ARHGEF4: variants seen among roughly 807,000 people sequenced by gnomAD.
ARHGEF4 encodes the protein Rho guanine nucleotide exchange factor 4.
A neutral mutation model predicts 162.0 loss-of-function variants in ARHGEF4; 119 were observed. The observed-to-expected ratio is 0.73, with a 90% CI of 0.63 to 0.86. The LOEUF (loss-of-function observed/expected upper bound fraction) is 0.86, where lower values mean the gene tolerates loss of function less well. Among genes scored for constraint, ARHGEF4 ranks in the 40% least tolerant of loss-of-function variants. ARHGEF4 has a pLI of 0.00. For missense variants in ARHGEF4, 2,488 were observed against 2,456.0 expected (o/e 1.01, Z -0.28); for synonymous variants, 1,014 against 979.9 (o/e 1.03, Z -0.65).
intron 1 of ARHGEF4, among the ~76,000 whole-genome samples, chr2:130,899,909 A>C (rs1680389616): frequency 6.6e-6 from 1 of 152,014 alleles, no homozygotes; most frequent in Non-Finnish European, 1.5e-5. Context: ...AGGTGGCTTT[A>C]GCTTTTCATA....
intron 4 of ARHGEF4, among the ~76,000 whole-genome samples, chr2:131,015,054 C>G (rs1035882408): frequency 6.6e-6 from 1 of 152,148 alleles, no homozygotes; most frequent in African/African-American, 2.4e-5. Flanking sequence ...TGATACCTGC[C>G]TCACAGGTAG....
intron 1 of ARHGEF4, among the ~76,000 whole-genome samples, chr2:130,838,120 A>G (rs966637489): frequency 2.0e-5 from 3 of 152,190 alleles, no homozygotes; most frequent in African/African-American, 7.2e-5. Context: ...CCTTTCAGGA[A>G]CCTGTGCTGG....
At chr2:130,846,780 C>G (rs1276822412) in intron 1 of ARHGEF4, among the ~76,000 whole-genome samples, 2 of 152,274 alleles carry the variant, frequency 1.3e-5, no homozygotes, top group African/African-American at 4.8e-5. Flanking sequence ...GATGGGGCTT[C>G]TGTGGTCAGG....
rs140352937 is a variant in ARHGEF4, at chr2:131,036,427, A to G, written c.4126-2426A>G. 5.3e-5 allele frequency among the ~76,000 whole-genome samples: 8 copies of G among 152,326 alleles called. No individual in the cohort carries two copies. The East Asian group carries it at 1.4e-3, about 26-fold the overall frequency. On this transcript the variant is annotated intron_variant, in intron 5 of 13. Transcript: ENST00000409359. The stretch of plus-strand genomic sequence containing the variant: ...CCTCTGCCAGGGTGCGACAAAGGCA[A>G]TTAACACCTCCTCCCCTCCTCCCCA...
chr2:130,946,387 T>G, intron 3 of ARHGEF4, 122 bp from the exon 4 acceptor site: 4 of 1,224,218 alleles, frequency 3.3e-6, no homozygotes, highest in Non-Finnish European at 4.5e-6. Context: ...GCTGTGCATA[T>G]TTTGGTTGTG....
intron 2 of ARHGEF4, among the ~76,000 whole-genome samples, chr2:130,924,001 C>T (rs1682061637): frequency 6.6e-6 from 1 of 151,818 alleles, no homozygotes; most frequent in Non-Finnish European, 1.5e-5. Flanking sequence ...CTGCCTCAGC[C>T]TCCCGAGTAG....
At chr2:131,034,082 A>G (rs1690051665) in intron 5 of ARHGEF4, among the ~76,000 whole-genome samples, 1 of 152,166 alleles carries the variant, frequency 6.6e-6, no homozygotes, top group South Asian at 2.1e-4. Flanking sequence ...AGGGGTGGCC[A>G]AGAGCTGGCC....
chr2:131,028,155 G>C, intron 5 of ARHGEF4, 71 bp downstream of exon 5: 1 of 1,574,958 alleles, frequency 6.3e-7, no homozygotes, highest in Non-Finnish European at 8.6e-7. Flanking sequence ...GCACGCTAAT[G>C]CAGGCCAGAT....
At chr2:131,039,062 G>A in intron 6 of ARHGEF4, 30 bp downstream of exon 6, 1 of 1,576,384 alleles carries the variant, frequency 6.3e-7, no homozygotes, top group Non-Finnish European at 8.6e-7. Context: ...CTTCTCCCAA[G>A]TTGGGCCCAT....
intron 1 of ARHGEF4, among the ~76,000 whole-genome samples, chr2:130,887,367 A>G (rs4850260): frequency 0.31 from 46,613 of 151,852 alleles, 9,744 homozygotes; most frequent in African/African-American, 0.57. Context: ...AATTTTGATT[A>G]TACCAAATCT....
chr2:130,907,242 T>G (rs1437750042), intron 1 of ARHGEF4, among the ~76,000 whole-genome samples: 1 of 21,954 alleles, frequency 4.6e-5, no homozygotes, highest in Non-Finnish European at 1.6e-4. Flanking sequence ...AGACAGAGTC[T>G]CGCTCTGGAG....
At chr2:130,866,802 C>T (rs1682309664) in intron 1 of ARHGEF4, among the ~76,000 whole-genome samples, 1 of 152,144 alleles carries the variant, frequency 6.6e-6, no homozygotes, top group Non-Finnish European at 1.5e-5. Context: ...ATTTTTGCAT[C>T]TGTGTTTATG....
At position 130,916,183 on chromosome 2, in the gene ARHGEF4, C is replaced by G; in HGVS notation, c.2237C>G (p.Ser746Ter). Residue 746 changes from serine (S) to a stop codon, truncating the protein, a stop_gained, in exon 2 of 14, where the codon TCA (serine) becomes TGA (stop). Transcript: ENST00000409359. LOFTEE classifies it high-confidence loss of function. ...CGTGGGGAGAGCCGGAGCTCCGGGTCAGGGGAGCGTGGCCCGGAGGAGGCC... is the reference window on the plus strand; with the variant it reads ...CGTGGGGAGAGCCGGAGCTCCGGGTGAGGGGAGCGTGGCCCGGAGGAGGCC... ...RLRGESRSSGSGERGPEEAPE... is the reference protein window; with the variant it reads ...RLRGESRSSG The G allele has an allele frequency of 6.5e-7, 1 of 1,548,408 alleles. No homozygotes were observed. The highest frequency in any genetic ancestry group is 8.7e-7 in the Non-Finnish European group (1 of 1,146,766).
intron 1 of ARHGEF4, among the ~76,000 whole-genome samples, chr2:130,904,644 T>G (rs1030049254): frequency 6.6e-6 from 1 of 152,226 alleles, no homozygotes; most frequent in Non-Finnish European, 1.5e-5. Flanking sequence ...GCTGGTGGTT[T>G]GTTGGAATTC....
intron 4 of ARHGEF4, among the ~76,000 whole-genome samples, chr2:130,968,250 G>A (rs1685127667): frequency 6.6e-6 from 1 of 152,164 alleles, no homozygotes; most frequent in Admixed American, 6.5e-5. Context: ...TCTCCCTTTG[G>A]AATTTGTAGT....
rs201864410 is a variant in ARHGEF4, at chr2:131,044,429, G to A, written c.5288G>A (p.Arg1763His). 54 of 1,565,850 alleles carry A rather than the reference G, an allele frequency of 3.4e-5. No homozygotes were observed. In the African/African-American group the frequency reaches 5.1e-4, roughly 15 times the overall value. The change falls in exon 12 of 14, where the codon CGT (arginine) becomes CAT (histidine). Residue 1763 changes from arginine (R) to histidine (H), a missense_variant. Physicochemically the swap from Arg to His is conservative, Grantham distance 29. Transcript: ENST00000409359. ...VSIKNAFRLH[R>H]GATGDSHLLC... ...ATCAAGAACGCCTTCCGGCTGCACC[G>A]TGGCGCCACAGGGGACAGCCACCTG... is the stretch of plus-strand genomic sequence containing the variant.
At chr2:130,922,923 G>GATATATATATATAT (rs60528259) in intron 2 of ARHGEF4, among the ~76,000 whole-genome samples, 12 of 145,570 alleles carry the variant, frequency 8.2e-5, no homozygotes, top group Non-Finnish European at 1.5e-4. Context: ...CCTCTTTAAT[G>GATATATATATATAT]ATATATATAT....
chr2:130,926,052 T>TTCTTTCTTTCTTTCTCTCTCTC (rs1559043897), intron 2 of ARHGEF4, among the ~76,000 whole-genome samples: 18 of 98,384 alleles, frequency 1.8e-4, no homozygotes, highest in African/African-American at 5.7e-4. Context: ...TTCTTTCTCT[T>TTCTTTCTTTCTTTCTCTCTCTC]TCTTTCTTTC....
At chr2:131,009,412 T>C (rs1182926633) in intron 4 of ARHGEF4, among the ~76,000 whole-genome samples, 1 of 152,204 alleles carries the variant, frequency 6.6e-6, no homozygotes, top group Non-Finnish European at 1.5e-5. Context: ...GTACATTTAT[T>C]CTTTCACCAG....
Sources: gnomAD v4.1 joint callset for allele counts (sites outside exome capture counted in the v4.1 genomes callset) on GRCh38, gnomAD v4.1.1 for gene constraint, MANE v1.5 for transcripts, NCBI Gene and HGNC (gene_info 2026-07-23, HGNC 2026-07-21) for gene names.